The following PTPN23 variants were observed in gnomAD, a reference collection of about 807,000 sequenced individuals.
The protein encoded by PTPN23 is protein tyrosine phosphatase non-receptor type 23.
PTPN23 carries 72 observed loss-of-function variants against 156.3 expected under a neutral mutation model. The observed-to-expected ratio is 0.46, with a 90% CI of 0.38 to 0.56. The LOEUF (loss-of-function observed/expected upper bound fraction) is 0.56. Ranked by LOEUF, PTPN23 falls within the 20% of genes least tolerant of loss-of-function variation. PTPN23 has a pLI of 0.00. For missense variants in PTPN23, 1,974 were observed against 2,171.5 expected, an observed-to-expected ratio of 0.91 and a Z score of 1.81; for synonymous variants, 957 against 899.6, an observed-to-expected ratio of 1.06 and a Z score of -1.14.
intron 1 of PTPN23, among the ~76,000 whole-genome samples, chr3:47,394,020 A>G (rs1704828492): frequency 6.6e-6 from 1 of 151,840 alleles, no homozygotes; most frequent in Non-Finnish European, 1.5e-5. Context: ...CTGGGATTAC[A>G]GACTTGAGCC....
rs769041406 is a variant in PTPN23, at chr3:47,410,047, C to A, written c.2249C>A (p.Pro750His). The change falls in exon 20 of 25, where the codon CCT (proline) becomes CAT (histidine). Residue 750 changes from proline (P) to histidine (H), a missense_variant. Transcript: ENST00000265562. The stretch of plus-strand genomic sequence containing the variant: ...CCTGAGGAGCTGCGCAGCCTCCCCC[C>A]TGACATGGTGGCTGGCCCACGACTG... Reference protein sequence around the residue: ...DPPEELRSLPPDMVAGPRLPD... With the variant: ...DPPEELRSLPHDMVAGPRLPD... 6 of 1,611,614 alleles carry A rather than the reference C, an allele frequency of 3.7e-6. No homozygotes were observed. The highest frequency in any genetic ancestry group is 2.7e-5 in the African/African-American group (2 of 74,858).
Position 47,408,479 on chromosome 3 carries a change from A to T in PTPN23, c.1319A>T (p.Gln440Leu). 1 of 1,611,958 alleles carries T rather than the reference A, an allele frequency of 6.2e-7. No homozygotes were observed. The highest frequency in any genetic ancestry group is 8.5e-7 in the Non-Finnish European group (1 of 1,178,440). Residue 440 changes from glutamine (Q) to leucine (L), a missense_variant, in exon 15 of 25, where the codon CAG becomes CTG. This residue lies in a region of PTPN23 where 726 missense variants were observed against 929.5 expected (regional missense o/e 0.78). Coordinates refer to ENST00000265562, the MANE Select transcript of PTPN23 (RefSeq NM_015466.4). ...CCCGACACTGTCAGGAACCTTGTAC[A>T]GTCCATGCAAGGTGAGTAAGGGGCA... ...VRPDTVRNLVQSMQVLSGVFT... is the reference protein window; with the variant it reads ...VRPDTVRNLVLSMQVLSGVFT...
chr3:47,405,807 A>G lies in PTPN23; in HGVS notation c.414+9A>G, dbSNP rs201579504. 3.3e-5 allele frequency: 53 copies of G among 1,588,628 alleles called. No individual in the cohort carries two copies. The Admixed American group carries it at 5.3e-4, about 16-fold the overall frequency. ...AGCGGGTGTCTGAGGAGGTGAGGAG[A>G]GGGGCAGTAGTGGAACATGTGGACA... On this transcript the variant is annotated intron_variant, in intron 5 of 24. Coordinates refer to ENST00000265562, the MANE Select transcript of PTPN23 (RefSeq NM_015466.4). The surrounding 1 kb of genome is among the most constrained non-coding windows in gnomAD (Gnocchi z 4.7).
In PTPN23 at chr3:47,410,770, T is replaced by TCCTACCCCCACAATCCC; in HGVS notation, c.2981_2997dup (p.Tyr1000HisfsTer166). On this transcript the variant is annotated frameshift_variant, in exon 20 of 25. Transcript: ENST00000265562. LOFTEE classifies it high-confidence loss of function. ...CTCTTCCCACCCCAGGCCCCAGGAC[T>TCCTACCCCCACAATCCC]CCTACCCCCACAATCCCCCTACCCC... 6.5e-7 allele frequency: 1 copy of TCCTACCCCCACAATCCC among 1,545,388 alleles called. No individual in the cohort carries two copies. Among genetic ancestry groups the TCCTACCCCCACAATCCC allele is most frequent in the Non-Finnish European group, 8.8e-7 (1 of 1,142,290 alleles).
chr3:47,389,427 A>G (rs577303549), intron 1 of PTPN23, among the ~76,000 whole-genome samples: 4 of 152,178 alleles, frequency 2.6e-5, no homozygotes, highest in Admixed American at 6.5e-5. Context: ...CCTGGGCACC[A>G]TAGCAAGACC....
chr3:47,395,901 G>T (rs972379278), intron 1 of PTPN23, among the ~76,000 whole-genome samples: 6 of 152,186 alleles, frequency 3.9e-5, no homozygotes, highest in Non-Finnish European at 1.5e-5. Flanking sequence ...CAGACTCCTG[G>T]ACTTTGTAGA....
chr3:47,409,482 C>T lies in PTPN23; in HGVS notation c.1863C>T (p.Ala621=), dbSNP rs542478918. ...AGGTGTACCTGGAGCAGAACCTGGC[C>T]GCCCAGGACCGTGTCCTCTGTGCAC... is the stretch of plus-strand genomic sequence containing the variant. ...QLKVYLEQNL[A]AQDRVLCALT... The change falls in exon 18 of 25, where the codon GCC becomes GCT. Residue 621 remains alanine (A), a synonymous_variant. Coordinates refer to ENST00000265562, the MANE Select transcript of PTPN23 (RefSeq NM_015466.4). 3.0e-5 allele frequency: 48 copies of T among 1,614,156 alleles called. No homozygotes were observed. The highest frequency in any genetic ancestry group is 1.6e-4 in the African/African-American group (12 of 75,048).
Position 47,410,789 on chromosome 3 carries a change from C to G in PTPN23, c.2991C>G (p.Pro997=). The G allele has an allele frequency of 6.3e-7, 1 of 1,582,272 alleles. No individual in the cohort carries two copies. Among genetic ancestry groups the G allele is most frequent in the Non-Finnish European group, 8.6e-7 (1 of 1,157,426 alleles). ...QAPGLLPPQS[P]YPYAPQPGVL... ...CAGGACTCCTACCCCCACAATCCCCCTACCCCTATGCCCCTCAGCCTGGGG... is the reference window on the plus strand; with the variant it reads ...CAGGACTCCTACCCCCACAATCCCCGTACCCCTATGCCCCTCAGCCTGGGG... Residue 997 remains proline, a synonymous_variant, in exon 20 of 25, where the codon CCC becomes CCG. Coordinates refer to ENST00000265562, the MANE Select transcript of PTPN23 (RefSeq NM_015466.4).
In PTPN23 at chr3:47,411,753, C is replaced by G; in HGVS notation, c.3889-30C>G. On this transcript the variant is annotated intron_variant, in intron 20 of 24. Transcript: ENST00000265562. The surrounding 1 kb of genome is among the most constrained non-coding windows in gnomAD (Gnocchi z 6.3). Reference sequence around the variant, plus strand: ...GGCAGGGCAGGGGATCCTGGAAAACCAGGTCTGTCTTGGCTTATCTGTCCC... The same window carrying G: ...GGCAGGGCAGGGGATCCTGGAAAACGAGGTCTGTCTTGGCTTATCTGTCCC... The G allele has an allele frequency of 6.3e-7, 1 of 1,593,206 alleles. No homozygotes were observed. The highest frequency in any genetic ancestry group is 8.6e-7 in the Non-Finnish European group (1 of 1,166,070).
At position 47,407,001 on chromosome 3, in the gene PTPN23, C is replaced by T. The variant is rs1297276073; in HGVS notation, c.808-129C>T. 3 of 1,277,458 alleles carry T rather than the reference C, an allele frequency of 2.3e-6. No homozygotes were observed. Among genetic ancestry groups the T allele is most frequent in the Admixed American group, 4.0e-5 (2 of 50,144 alleles). 79.1% of individuals were successfully genotyped at this position (1,277,458 alleles called of 1,614,324 possible). A position where few individuals can be genotyped will look rare whatever the true frequency, so the allele number is the denominator to read the frequency against. On this transcript the variant is annotated intron_variant, in intron 9 of 24. Transcript: ENST00000265562. The surrounding 1 kb of genome is among the most constrained non-coding windows in gnomAD (Gnocchi z 4.0). ...TGTGGCGCCACCTTGCTGCTGTTGG[C>T]TGGGGTGGTGCCCGGCTGCCTCCTG...
Position 47,404,732 on chromosome 3 carries a change from T to C in PTPN23, c.240T>C (p.Ser80=). Residue 80 remains serine (S), a synonymous_variant, in exon 3 of 25, where the codon AGT becomes AGC. Coordinates refer to ENST00000265562, the MANE Select transcript of PTPN23 (RefSeq NM_015466.4). ...KYLGQLHYLQ[S]RVPMGSGQEA... ...TCGGCCAGCTTCATTACCTGCAGAG[T>C]CGGGTCCCCATGGGCTCGGGCCAGG... is the stretch of plus-strand genomic sequence containing the variant. 1 of 1,613,750 alleles carries C rather than the reference T, an allele frequency of 6.2e-7. No homozygotes were observed. Among genetic ancestry groups the C allele is most frequent in the Non-Finnish European group, 8.5e-7 (1 of 1,180,004 alleles).
Position 47,407,889 on chromosome 3 carries a change from G to GT in PTPN23, c.1119dup (p.Glu374Ter). On this transcript the variant is annotated frameshift_variant and splice_region_variant. Coordinates refer to ENST00000265562, the MANE Select transcript of PTPN23 (RefSeq NM_015466.4). LOFTEE classifies it high-confidence loss of function. The surrounding 1 kb of genome is among the most constrained non-coding windows in gnomAD (Gnocchi z 4.0). ...CAGCAAATGCTCTGTCGCTTCTGCA[G>GT]TGAGGAGAAGGCCAAGCTGCTCCGG... 6.2e-7 allele frequency: 1 copy of GT among 1,614,204 alleles called. No individual in the cohort carries two copies. Among genetic ancestry groups the GT allele is most frequent in the Non-Finnish European group, 8.5e-7 (1 of 1,180,038 alleles).
chr3:47,412,226 T>G (rs745985055), intron 22 of PTPN23, 28 bp downstream of exon 22: 2 of 1,613,168 alleles, frequency 1.2e-6, no homozygotes, highest in Admixed American at 1.7e-5. Flanking sequence ...GGGTCTCTCC[T>G]CTATGGGCTC....
Position 47,405,239 on chromosome 3 carries a change from C to T in PTPN23, c.364+158C>T, listed in dbSNP as rs1293072954. 2 of 693,312 alleles carry T rather than the reference C, an allele frequency of 2.9e-6. No homozygotes were observed. Among genetic ancestry groups the T allele is most frequent in the Non-Finnish European group, 5.0e-6 (2 of 399,966 alleles). 42.9% of individuals were successfully genotyped at this position (693,312 alleles called of 1,614,324 possible). On this transcript the variant is annotated intron_variant, in intron 4 of 24. Coordinates refer to ENST00000265562, the MANE Select transcript of PTPN23 (RefSeq NM_015466.4). The surrounding 1 kb of genome is among the most constrained non-coding windows in gnomAD (Gnocchi z 4.7). ...CCCCACAGCCCTGCCAGCTCCTCCA[C>T]TGTTTTCTGGGCTGGGCCCGTGGGG...
intron 14 of PTPN23, 90 bp downstream of exon 14, chr3:47,408,045 T>C: frequency 7.0e-7 from 1 of 1,431,080 alleles, no homozygotes; most frequent in Non-Finnish European, 9.6e-7. Flanking sequence ...GGGAGAGGAA[T>C]GAAATGTCCA....
rs548007663 is a variant in PTPN23, at chr3:47,409,699, A to T, written c.1994A>T (p.Tyr665Phe). The change falls in exon 19 of 25, where the codon TAT (tyrosine) becomes TTT (phenylalanine). Residue 665 changes from tyrosine (Y) to phenylalanine (F), a missense_variant. Transcript: ENST00000265562. Reference sequence around the variant, plus strand: ...ACCCTGGTGGCCTCGTATGAAGCCTATGAGGACCTGATGAAGAAGTCGCAG... The same window carrying T: ...ACCCTGGTGGCCTCGTATGAAGCCTTTGAGGACCTGATGAAGAAGTCGCAG... ...LQTLVASYEA[Y>F]EDLMKKSQEG... 6.8e-6 allele frequency: 11 copies of T among 1,609,386 alleles called. No homozygotes were observed. In the South Asian group the frequency reaches 9.9e-5, roughly 14 times the overall value.
In PTPN23 at chr3:47,407,435, C is replaced by T. The variant is rs1174816064; in HGVS notation, c.923+68C>T. 3 of 1,608,446 alleles carry T rather than the reference C, an allele frequency of 1.9e-6. No homozygotes were observed. The highest frequency in any genetic ancestry group is 2.7e-5 in the African/African-American group (2 of 74,892). On this transcript the variant is annotated intron_variant, in intron 11 of 24. Transcript: ENST00000265562. The surrounding 1 kb of genome is among the most constrained non-coding windows in gnomAD (Gnocchi z 4.0). ...GGTCTTGTCCCTCTGCTGGCATCTA[C>T]ATGGGAAGTAGGTTCTGGATCCCCA...
intron 2 of PTPN23, among the ~76,000 whole-genome samples, chr3:47,397,791 T>A (rs1704909769): frequency 6.6e-6 from 1 of 152,144 alleles, no homozygotes; most frequent in Non-Finnish European, 1.5e-5. Flanking sequence ...TGTCTCAGCC[T>A]CCTAAGTAGC....
rs552397269 is a variant in PTPN23 at position 47,410,653 on chromosome 3, GGCCCCA to G, written c.2868_2873del (p.Gln956_Pro957del). The G allele has an allele frequency of 1.9e-4, 305 of 1,610,798 alleles. 3 individuals carry two copies. The African/African-American group carries it at 3.2e-3, about 17-fold the overall frequency. On this transcript the variant is annotated inframe_deletion, in exon 20 of 25. Transcript: ENST00000265562. ...GCAGGTTTTCCAGCCCCAAGGATTG[GGCCCCA>G]GCCCCAGCCCCATCCTCAGCCCCAT...
Sources: allele counts gnomAD v4.1 joint callset (sites outside exome capture counted in the v4.1 genomes callset), GRCh38; gene constraint gnomAD v4.1.1; regional missense constraint gnomAD v4.1.1; non-coding constraint Gnocchi (gnomAD v3.1); transcripts MANE v1.5; gene names NCBI Gene and HGNC (gene_info 2026-07-23, HGNC 2026-07-21).